The following SCAMP4 variants were observed in gnomAD, a reference collection of about 807,000 sequenced individuals.
SCAMP4 encodes secretory carrier-associated membrane protein 4.
Under a neutral mutation model 32.1 loss-of-function variants are expected in SCAMP4, and 19 were observed. The ratio of observed to expected loss-of-function variants is 0.59; its 90% confidence interval spans 0.41 to 0.87. The LOEUF is 0.87. Ranked by LOEUF, SCAMP4 falls within the 40% of genes least tolerant of loss-of-function variation. The probability of loss-of-function intolerance (pLI) is 0.00; values close to 1 mark genes in which losing one functional copy is unlikely to be tolerated. For missense variants in SCAMP4, 302 were observed against 309.0 expected (o/e 0.98, Z 0.17); for synonymous variants, 152 against 132.7 (o/e 1.15, Z -1.00).
rs906214155 is a variant in SCAMP4, at chr19:1,923,773, C to T, written c.514-335C>T. 2.0e-4 allele frequency among the ~76,000 whole-genome samples: 30 copies of T among 147,804 alleles called. 3 individuals are homozygous for T. The highest frequency in any genetic ancestry group is 4.5e-4 in the African/African-American group (18 of 39,778). ...AGCTGGGACTACAGGCGCCCGCTAC[C>T]GCACCTGGCTAATTATTTTGTTTTT... On this transcript the variant is annotated intron_variant, in intron 6 of 6. Coordinates refer to ENST00000316097, the MANE Select transcript of SCAMP4 (RefSeq NM_079834.4).
chr19:1,919,376 A>G, intron 5 of SCAMP4: 12 of 985,448 alleles, frequency 1.2e-5, no homozygotes, highest in Non-Finnish European at 1.4e-5. Context: ...GTACATCTGT[A>G]AAAACACACA....
At chr19:1,920,507 T>C in intron 5 of SCAMP4, 1 of 790,946 alleles carries the variant, frequency 1.3e-6, no homozygotes, top group Non-Finnish European at 1.5e-6. Flanking sequence ...ACCCCTCGGA[T>C]GTGCCGCTGA....
intron 5 of SCAMP4, chr19:1,921,844 C>T (rs1487365659): frequency 1.5e-5 from 15 of 985,192 alleles, no homozygotes; most frequent in African/African-American, 5.2e-5. Flanking sequence ...AAGGAATGAC[C>T]CAAAGACCAT....
At chr19:1,923,620 T>A (rs2013989921) in intron 6 of SCAMP4, among the ~76,000 whole-genome samples, 2 of 140,012 alleles carry the variant, frequency 1.4e-5, no homozygotes, top group Non-Finnish European at 3.1e-5. Context: ...AAATGCTTTT[T>A]TTTTTTTTTT....
At chr19:1,910,716 A>G (rs1402275868) in intron 1 of SCAMP4, among the ~76,000 whole-genome samples, 2 of 149,122 alleles carry the variant, frequency 1.3e-5, no homozygotes, top group Non-Finnish European at 1.5e-5. Context: ...AGCTGGGATT[A>G]CAGGTGCGTG....
At chr19:1,906,560 T>C (rs545661083) in intron 1 of SCAMP4, 1 of 151,106 alleles carries the variant, frequency 6.6e-6, no homozygotes, top group Non-Finnish European at 1.5e-5. Context: ...ATAAAATACA[T>C]ACGTGTAGCG....
chr19:1,912,888 G>A lies in SCAMP4; in HGVS notation c.-41-2091G>A, dbSNP rs781430687. On this transcript the variant is annotated intron_variant, in intron 1 of 6. Coordinates refer to ENST00000316097, the MANE Select transcript of SCAMP4 (RefSeq NM_079834.4). The stretch of plus-strand genomic sequence containing the variant: ...CCCCCAGGCCGTCCGCGCAGGCGCC[G>A]TGCGTAAACTGGACGCAGACGAGGA... 12 of 1,606,450 alleles carry A rather than the reference G, an allele frequency of 7.5e-6. No homozygotes were observed. Among genetic ancestry groups the A allele is most frequent in the Admixed American group, 1.7e-5 (1 of 59,916 alleles).
At chr19:1,922,473 G>C (rs547297459) in intron 5 of SCAMP4, 2 of 902,234 alleles carry the variant, frequency 2.2e-6, no homozygotes, top group South Asian at 1.0e-4. Context: ...GGCCTCAAGT[G>C]ATCCGCCCGC....
At chr19:1,914,860 C>A in intron 1 of SCAMP4, 119 bp from the exon 2 acceptor site, 1 of 803,680 alleles carries the variant, frequency 1.2e-6, no homozygotes, top group Non-Finnish European at 2.1e-6. Flanking sequence ...CCCGCTTAGC[C>A]CACTGCTGTT....
intron 5 of SCAMP4, chr19:1,920,219 G>A: frequency 1.0e-6 from 1 of 985,404 alleles, no homozygotes; most frequent in Non-Finnish European, 1.2e-6. Context: ...CCTTGTCCTT[G>A]GCACGGCGGG....
intron 1 of SCAMP4, chr19:1,912,266 A>T: frequency 1.9e-6 from 3 of 1,593,696 alleles, no homozygotes; most frequent in Non-Finnish European, 2.6e-6. Context: ...GCCAGACCTC[A>T]CGCCTCCTGA....
chr19:1,911,077 G>A (rs970028652), intron 1 of SCAMP4, among the ~76,000 whole-genome samples: 3 of 151,920 alleles, frequency 2.0e-5, no homozygotes, highest in African/African-American at 2.4e-5. Context: ...GGGTTTCACC[G>A]TGTTAGCCAG....
intron 1 of SCAMP4, chr19:1,914,541 C>T (rs943549197): frequency 4.6e-6 from 1 of 219,724 alleles, no homozygotes; most frequent in East Asian, 1.2e-4. Context: ...GGATGTCAGG[C>T]CAGGTGGGGC....
chr19:1,924,046 C>A (rs998677867), intron 6 of SCAMP4, 62 bp from the exon 7 acceptor site: 1 of 1,441,686 alleles, frequency 6.9e-7, no homozygotes, highest in Non-Finnish European at 9.4e-7. Flanking sequence ...AGGCGTGAGT[C>A]CCCGTGCCCG....
chr19:1,923,133 T>A lies in SCAMP4; in HGVS notation c.459T>A (p.Leu153=). 5 of 1,553,442 alleles carry A rather than the reference T, an allele frequency of 3.2e-6. No individual in the cohort carries two copies. The highest frequency in any genetic ancestry group is 4.4e-6 in the Non-Finnish European group (5 of 1,148,080). Residue 153 remains leucine, a synonymous_variant, in exon 6 of 7, where the codon CTT becomes CTA. Transcript: ENST00000316097. ...YSPGAAVVML[L]PAIMFSVSAA... ...CGGGCGCTGCCGTGGTCATGCTGCTTCCAGCCATCATGTTCTCCGTGTCGG... is the reference window on the plus strand; with the variant it reads ...CGGGCGCTGCCGTGGTCATGCTGCTACCAGCCATCATGTTCTCCGTGTCGG...
At chr19:1,913,069 C>T in intron 1 of SCAMP4, 1 of 1,602,298 alleles carries the variant, frequency 6.2e-7, no homozygotes, top group Non-Finnish European at 8.5e-7. Context: ...CGCATCCACG[C>T]ACGGCCCGAC....
At chr19:1,920,879 A>T (rs1345248230) in intron 5 of SCAMP4, 2 of 984,450 alleles carry the variant, frequency 2.0e-6, no homozygotes, top group Non-Finnish European at 2.4e-6. Context: ...ACCCTCAGAG[A>T]CCTCCCTGCC....
intron 5 of SCAMP4, chr19:1,921,921 G>A (rs1387932186): frequency 2.3e-5 from 23 of 985,498 alleles, no homozygotes; most frequent in Non-Finnish European, 2.7e-5. Context: ...TTGCAGGGAC[G>A]CGGCGGGGGG....
Position 1,917,779 on chromosome 19 carries a change from G to A in SCAMP4, c.93G>A (p.Val31=). ...FYQNFSDEIP[V]EHQVLVKRIY... ...AGAACTTCTCCGACGAGATCCCAGT[G>A]GAGCACCAGGTCCTGGTGAAGAGGA... The change falls in exon 3 of 7, where the codon GTG becomes GTA. Residue 31 remains valine (V), a synonymous_variant. Transcript: ENST00000316097. The A allele has an allele frequency of 6.2e-7, 1 of 1,613,964 alleles. No individual in the cohort carries two copies. Among genetic ancestry groups the A allele is most frequent in the South Asian group, 1.1e-5 (1 of 91,088 alleles).
Sources: gnomAD v4.1 joint callset for allele counts (sites outside exome capture counted in the v4.1 genomes callset) on GRCh38, gnomAD v4.1.1 for gene constraint, MANE v1.5 for transcripts, NCBI Gene and HGNC (gene_info 2026-07-23, HGNC 2026-07-21) for gene names.